STK39: variants seen among roughly 807,000 people sequenced by gnomAD.
STK39 encodes STE20/SPS1-related proline-alanine-rich protein kinase.
A neutral mutation model predicts 77.8 loss-of-function variants in STK39; 20 were observed. The ratio of observed to expected loss-of-function variants is 0.26; its 90% CI spans 0.18 to 0.37. The LOEUF (loss-of-function observed/expected upper bound fraction) is 0.37. STK39 is among the 10% of genes least tolerant of loss of function. The pLI is 1.00. For synonymous variants in STK39, 246 were observed against 234.1 expected (o/e 1.05, Z -0.47); for missense variants, 479 against 656.5 (o/e 0.73, Z 2.95).
Position 168,070,655 on chromosome 2 carries a change from C to G in STK39, c.1242+4327G>C, listed in dbSNP as rs913263402. ...GTTCCCCATCCTGTGTCCAAGTGTT[C>G]TCATTGTTCAATTCCCACCTATAAG... On this transcript the variant is annotated intron_variant, in intron 12 of 17. Coordinates refer to ENST00000355999, the MANE Select transcript of STK39 (RefSeq NM_013233.3). Among the ~76,000 whole-genome samples, 41 of 148,138 alleles carry G rather than the reference C, an allele frequency of 2.8e-4. 1 individual carries two copies. The highest frequency in any genetic ancestry group is 5.8e-4 in the Non-Finnish European group (39 of 67,312).
At chr2:168,073,341 G>A (rs954497143) in intron 12 of STK39, among the ~76,000 whole-genome samples, 10 of 152,112 alleles carry the variant, frequency 6.6e-5, no homozygotes, top group Admixed American at 1.3e-4. Flanking sequence ...GATTTCTTGT[G>A]GTGAACAACA....
intron 16 of STK39, among the ~76,000 whole-genome samples, chr2:167,991,166 C>A (rs1683691533): frequency 6.6e-6 from 1 of 152,298 alleles, no homozygotes; most frequent in Non-Finnish European, 1.5e-5. Flanking sequence ...TAATGGCCAA[C>A]CAAGTCACTA....
chr2:167,992,680 A>G (rs941900159), intron 16 of STK39, among the ~76,000 whole-genome samples: 3 of 152,172 alleles, frequency 2.0e-5, no homozygotes, highest in African/African-American at 7.2e-5. Flanking sequence ...ACAATTTGAG[A>G]TTTATCTTTT....
chr2:168,127,835 T>G (rs904360759), intron 10 of STK39, among the ~76,000 whole-genome samples: 1 of 152,146 alleles, frequency 6.6e-6, no homozygotes, highest in African/African-American at 2.4e-5. Flanking sequence ...ATTGTCCAGT[T>G]AAAAATAGTG....
chr2:168,149,035 C>G (rs1559120825), intron 5 of STK39, among the ~76,000 whole-genome samples: 9 of 152,202 alleles, frequency 5.9e-5, no homozygotes. Context: ...GACTACCCAA[C>G]ATCCATATCC....
chr2:168,194,021 C>G (rs1250639376), intron 1 of STK39, among the ~76,000 whole-genome samples: 1 of 152,184 alleles, frequency 6.6e-6, no homozygotes, highest in Non-Finnish European at 1.5e-5. Context: ...CAAGAGGTGC[C>G]AGCCTGGGAA....
chr2:168,185,343 CTTT>C (rs557637674), intron 1 of STK39, among the ~76,000 whole-genome samples: 1 of 152,198 alleles, frequency 6.6e-6, no homozygotes, highest in East Asian at 1.9e-4. Context: ...TCAGTTCACT[CTTT>C]TAAGTCACTC....
intron 10 of STK39, among the ~76,000 whole-genome samples, chr2:168,121,795 G>A (rs1278521667): frequency 6.6e-6 from 1 of 152,170 alleles, no homozygotes; most frequent in Non-Finnish European, 1.5e-5. Context: ...CCTGCTATGT[G>A]TCAAACACGG....
intron 16 of STK39, among the ~76,000 whole-genome samples, chr2:167,966,648 G>A (rs1692167810): frequency 6.6e-6 from 1 of 152,192 alleles, no homozygotes. Flanking sequence ...TCCAGGGAAT[G>A]TGTCAAGCAA....
rs185647724 is a variant in STK39 at position 168,034,631 on chromosome 2, C to T, written c.1377-17536G>A. ...AGGAACTCACTGGACTAAGGGATAC[C>T]TGAAGGACCAGTGCTCCAAACACAG... On this transcript the variant is annotated intron_variant, in intron 14 of 17. Coordinates refer to ENST00000355999, the MANE Select transcript of STK39 (RefSeq NM_013233.3). Among the ~76,000 whole-genome samples the T allele has an allele frequency of 1.9e-3, 286 of 152,330 alleles. 2 individuals carry two copies. Among genetic ancestry groups the T allele is most frequent in the African/African-American group, 6.2e-3 (256 of 41,574 alleles).
intron 10 of STK39, among the ~76,000 whole-genome samples, chr2:168,090,743 A>G (rs1686498337): frequency 6.6e-6 from 1 of 152,228 alleles, no homozygotes; most frequent in Non-Finnish European, 1.5e-5. Context: ...CCATGTCCTC[A>G]GAAAACAACC....
At chr2:168,151,836 A>G (rs1479446352) in intron 5 of STK39, among the ~76,000 whole-genome samples, 1 of 152,146 alleles carries the variant, frequency 6.6e-6, no homozygotes, top group Admixed American at 6.5e-5. Flanking sequence ...TCAAGACACC[A>G]CAGGCTTAAA....
At chr2:168,131,638 T>C (rs866325538) in intron 8 of STK39, among the ~76,000 whole-genome samples, 82 of 152,208 alleles carry the variant, frequency 5.4e-4, no homozygotes, top group African/African-American at 1.9e-3. Context: ...AGTGGAACAC[T>C]GGTTATGGGT....
intron 14 of STK39, among the ~76,000 whole-genome samples, chr2:168,045,607 T>A (rs548507086): frequency 6.6e-6 from 1 of 152,192 alleles, no homozygotes; most frequent in Non-Finnish European, 1.5e-5. Context: ...AGGAGTTCAA[T>A]AGACGTACAG....
At chr2:168,170,894 T>C (rs188151903) in intron 2 of STK39, among the ~76,000 whole-genome samples, 9 of 152,262 alleles carry the variant, frequency 5.9e-5, no homozygotes, top group South Asian at 2.1e-4. Flanking sequence ...AAAAACTTCA[T>C]TGAGATTTAA....
Position 168,021,394 on chromosome 2 carries a change from T to C in STK39, c.1377-4299A>G, listed in dbSNP as rs112962852. Among the ~76,000 whole-genome samples, 429 of 152,292 alleles carry C rather than the reference T, an allele frequency of 2.8e-3. 1 individual carries two copies. The highest frequency in any genetic ancestry group is 9.8e-3 in the African/African-American group (408 of 41,560). On this transcript the variant is annotated intron_variant, in intron 14 of 17. Coordinates refer to ENST00000355999, the MANE Select transcript of STK39 (RefSeq NM_013233.3). ...CAGTGATTGATTGTGAGTAGTAGAC[T>C]TGTCCCATCAAGATGAAATATAGTT...
chr2:168,186,353 C>T (rs1689207525), intron 1 of STK39, among the ~76,000 whole-genome samples: 1 of 152,084 alleles, frequency 6.6e-6, no homozygotes. Flanking sequence ...TTACAACAGC[C>T]CAAGCAGACT....
chr2:168,129,351 C>A (rs1273775096), intron 10 of STK39, among the ~76,000 whole-genome samples, 190 bp downstream of exon 10: 1 of 152,174 alleles, frequency 6.6e-6, no homozygotes, highest in East Asian at 1.9e-4. Context: ...CAAATTGTTT[C>A]CACACCCAAA....
chr2:168,172,602 A>G (rs182381698), intron 2 of STK39, among the ~76,000 whole-genome samples: 2 of 152,312 alleles, frequency 1.3e-5, no homozygotes, highest in Admixed American at 1.3e-4. Context: ...TTAAAACCTG[A>G]TTTCTTTTGT....
Sources: gnomAD v4.1 joint callset for allele counts (sites outside exome capture counted in the v4.1 genomes callset) on GRCh38, gnomAD v4.1.1 for gene constraint, MANE v1.5 for transcripts, NCBI Gene and HGNC (gene_info 2026-07-23, HGNC 2026-07-21) for gene names.